The following ACOXL variants were observed in gnomAD, a reference collection of about 807,000 sequenced individuals.
The protein encoded by ACOXL is acyl-CoA oxidase like, also known as acyl-coenzyme A oxidase-like protein.
In ACOXL, 70 loss-of-function variants were observed where a neutral mutation model predicts 71.9. That is an observed-to-expected ratio of 0.97 (90% confidence interval 0.80 to 1.19). The LOEUF is 1.19. Among genes scored for constraint, ACOXL ranks in the 50% most tolerant of loss-of-function variants. The pLI is 0.00. For missense variants in ACOXL, 703 were observed against 736.3 expected (o/e 0.95, Z 0.52); for synonymous variants, 253 against 281.6 (o/e 0.90, Z 1.02).
intron 10 of ACOXL, among the ~76,000 whole-genome samples, chr2:110,906,129 A>T (rs1363522689): frequency 1.3e-5 from 2 of 152,086 alleles, no homozygotes; most frequent in African/African-American, 4.8e-5. Context: ...CTTTTTTTGC[A>T]TTTCCTCATT....
intron 16 of ACOXL, among the ~76,000 whole-genome samples, chr2:111,087,606 T>C (rs6740649): frequency 0.023 from 3,442 of 152,270 alleles, 140 homozygotes; most frequent in African/African-American, 0.079. Flanking sequence ...TGACTAGCCA[T>C]ATGCTAAAGA....
chr2:111,059,781 G>A (rs1451053854), intron 16 of ACOXL, among the ~76,000 whole-genome samples: 5 of 142,872 alleles, frequency 3.5e-5, no homozygotes, highest in African/African-American at 1.3e-4. Flanking sequence ...AAAAAAAAAA[G>A]AGAGAAGAAG....
intron 17 of ACOXL, among the ~76,000 whole-genome samples, chr2:111,109,838 C>T (rs1444701821): frequency 3.3e-5 from 5 of 151,888 alleles, no homozygotes; most frequent in East Asian, 1.9e-4. Context: ...ACCACCATGC[C>T]TGGCTAATTT....
At chr2:110,767,406 G>C (rs1397748735) in intron 1 of ACOXL, among the ~76,000 whole-genome samples, 1 of 152,176 alleles carries the variant, frequency 6.6e-6, no homozygotes, top group African/African-American at 2.4e-5. Context: ...AAGAGAGGGG[G>C]AGGAAAGGGT....
intron 10 of ACOXL, among the ~76,000 whole-genome samples, chr2:110,896,097 G>A (rs2058998258): frequency 6.6e-6 from 1 of 152,050 alleles, no homozygotes; most frequent in Non-Finnish European, 1.5e-5. Flanking sequence ...ATTATACACA[G>A]GGGAAAGAAA....
intron 2 of ACOXL, among the ~76,000 whole-genome samples, chr2:110,781,414 G>T (rs1683313527): frequency 6.6e-6 from 1 of 151,834 alleles, no homozygotes; most frequent in East Asian, 1.9e-4. Context: ...GGTGGAGGCG[G>T]GCGGATCATG....
intron 17 of ACOXL, among the ~76,000 whole-genome samples, chr2:111,112,589 C>A (rs1574800769): frequency 6.6e-6 from 1 of 152,202 alleles, no homozygotes; most frequent in African/African-American, 2.4e-5. Flanking sequence ...GGAGATAAGC[C>A]AGGCCAAGGC....
At chr2:110,790,758 G>A (rs1334594273) in intron 3 of ACOXL, among the ~76,000 whole-genome samples, 1 of 152,096 alleles carries the variant, frequency 6.6e-6, no homozygotes, top group African/African-American at 2.4e-5. Context: ...GTGATCGGTT[G>A]ATGCCTACCT....
At chr2:111,076,338 A>G (rs1454087974) in intron 16 of ACOXL, among the ~76,000 whole-genome samples, 1 of 152,154 alleles carries the variant, frequency 6.6e-6, no homozygotes, top group Non-Finnish European at 1.5e-5. Context: ...TTTTATCATT[A>G]TGTAATTCCC....
intron 15 of ACOXL, among the ~76,000 whole-genome samples, chr2:111,038,687 A>G (rs1260732732): frequency 3.9e-5 from 6 of 152,254 alleles, no homozygotes; most frequent in Non-Finnish European, 8.8e-5. Flanking sequence ...ATAAAAGTAT[A>G]GGAACTCTTG....
At chr2:110,882,851 T>C (rs1422211400) in intron 10 of ACOXL, among the ~76,000 whole-genome samples, 4 of 152,200 alleles carry the variant, frequency 2.6e-5, no homozygotes, top group African/African-American at 9.6e-5. Flanking sequence ...TGCATATTTC[T>C]CAGAATATCA....
chr2:110,822,957 T>G (rs1357969893), intron 9 of ACOXL, among the ~76,000 whole-genome samples: 1 of 152,130 alleles, frequency 6.6e-6, no homozygotes, highest in Non-Finnish European at 1.5e-5. Flanking sequence ...GTAATATACA[T>G]TTAAGATTCA....
intron 9 of ACOXL, among the ~76,000 whole-genome samples, chr2:110,826,471 C>T (rs1347531160): frequency 2.6e-5 from 4 of 152,296 alleles, no homozygotes; most frequent in Non-Finnish European, 5.9e-5. Context: ...CAGCACTTGG[C>T]ACCATGTTTG....
intron 13 of ACOXL, among the ~76,000 whole-genome samples, chr2:110,991,412 G>A (rs1333906339): frequency 6.6e-6 from 1 of 151,906 alleles, no homozygotes; most frequent in Non-Finnish European, 1.5e-5. Context: ...CTATTTCATT[G>A]ATTTATGCTC....
At chr2:110,878,919 A>C (rs966122939) in intron 10 of ACOXL, among the ~76,000 whole-genome samples, 22 of 151,886 alleles carry the variant, frequency 1.4e-4, no homozygotes, top group Non-Finnish European at 2.9e-4. Context: ...TTAGCCAGGC[A>C]TGGTGGTGGG....
At chr2:110,920,371 A>G (rs1485157875) in intron 11 of ACOXL, among the ~76,000 whole-genome samples, 1 of 152,192 alleles carries the variant, frequency 6.6e-6, no homozygotes, top group East Asian at 1.9e-4. Context: ...CCATCTGTGT[A>G]TCTTCTTTAG....
chr2:110,735,059 C>A lies in ACOXL; in HGVS notation c.-23+2285C>A, dbSNP rs186736484. Among the ~76,000 whole-genome samples, 651 of 152,328 alleles carry A rather than the reference C, an allele frequency of 4.3e-3. 5 individuals are homozygous for A. Among genetic ancestry groups the A allele is most frequent in the Non-Finnish European group, 7.0e-3 (475 of 68,034 alleles). ...GCAAAAATCCCATTACCCTGACAAA[C>A]ACTTTTCCATTCTTTCCAGTTCTTG... On this transcript the variant is annotated intron_variant, in intron 1 of 17. Transcript: ENST00000439055.
intron 10 of ACOXL, among the ~76,000 whole-genome samples, chr2:110,876,095 A>C (rs1695861052): frequency 6.6e-6 from 1 of 152,186 alleles, no homozygotes; most frequent in South Asian, 2.1e-4. Flanking sequence ...GGTACTTTAT[A>C]AATGTCCCTC....
At chr2:111,001,038 A>T (rs747527042) in intron 14 of ACOXL, among the ~76,000 whole-genome samples, 8 of 152,198 alleles carry the variant, frequency 5.3e-5, no homozygotes, top group Admixed American at 6.5e-5. Flanking sequence ...ATGACTGTAA[A>T]ATTCTTTAAG....
Sources: gnomAD v4.1 joint callset for allele counts (sites outside exome capture counted in the v4.1 genomes callset) on GRCh38, gnomAD v4.1.1 for gene constraint, MANE v1.5 for transcripts, NCBI Gene and HGNC (gene_info 2026-07-23, HGNC 2026-07-21) for gene names.